The following GRIK4 variants were observed in gnomAD, a reference collection of about 807,000 sequenced individuals.
The protein encoded by GRIK4 is glutamate ionotropic receptor kainate type subunit 4.
GRIK4 carries 40 observed loss-of-function variants against 104.9 expected under a neutral mutation model. The observed-to-expected ratio is 0.38, with a 90% CI of 0.30 to 0.50. GRIK4 has a LOEUF of 0.50. Ranked by LOEUF, GRIK4 falls within the 20% of genes least tolerant of loss-of-function variation. The pLI is 0.93. For missense variants in GRIK4, 1,047 were observed against 1,308.1 expected, an observed-to-expected ratio of 0.80 and a Z score of 3.08; for synonymous variants, 485 against 524.9, an observed-to-expected ratio of 0.92 and a Z score of 1.04.
At position 120,768,822 on chromosome 11, in the gene GRIK4, A is replaced by G. The variant is rs572533872; in HGVS notation, c.83-33871A>G. Among the ~76,000 whole-genome samples, 5 of 152,302 alleles carry G rather than the reference A, an allele frequency of 3.3e-5. No individual in the cohort carries two copies. The South Asian group carries it at 8.3e-4, about 25-fold the overall frequency. ...TTGTGTGGCTTTTATCTTTCATTCTATTAATGTGATGTGTCATGCTGATTG... is the reference window on the plus strand; with the variant it reads ...TTGTGTGGCTTTTATCTTTCATTCTGTTAATGTGATGTGTCATGCTGATTG... On this transcript the variant is annotated intron_variant, in intron 3 of 20. Coordinates refer to ENST00000527524, the MANE Select transcript of GRIK4 (RefSeq NM_014619.5).
At chr11:120,668,427 A>G (rs1025663978) in intron 3 of GRIK4, among the ~76,000 whole-genome samples, 9 of 152,188 alleles carry the variant, frequency 5.9e-5, no homozygotes, top group African/African-American at 2.2e-4. Context: ...GAAAGAAAAG[A>G]AATGAAAAGA....
At chr11:120,749,314 A>G (rs890638639) in intron 3 of GRIK4, among the ~76,000 whole-genome samples, 3 of 152,154 alleles carry the variant, frequency 2.0e-5, no homozygotes, top group Non-Finnish European at 2.9e-5. Context: ...GTGCCAGGCT[A>G]GAAAGAAGCC....
chr11:120,699,358 G>A (rs1337984332), intron 3 of GRIK4, among the ~76,000 whole-genome samples: 2 of 152,168 alleles, frequency 1.3e-5, no homozygotes, highest in African/African-American at 2.4e-5. Flanking sequence ...AACCTGCACA[G>A]CCCCATGACA....
At chr11:120,643,201 AT>A (rs1949492514) in intron 1 of GRIK4, among the ~76,000 whole-genome samples, 1 of 152,262 alleles carries the variant, frequency 6.6e-6, no homozygotes, top group Non-Finnish European at 1.5e-5. Flanking sequence ...AGTAAATTAT[AT>A]AACAAGCTAC....
At chr11:120,677,684 T>G (rs985513011) in intron 3 of GRIK4, among the ~76,000 whole-genome samples, 4 of 152,212 alleles carry the variant, frequency 2.6e-5, no homozygotes, top group Non-Finnish European at 5.9e-5. Flanking sequence ...AGACATCAGC[T>G]CTGGAGTTAG....
intron 1 of GRIK4, among the ~76,000 whole-genome samples, chr11:120,599,022 C>A (rs564458422): frequency 6.6e-6 from 1 of 152,156 alleles, no homozygotes; most frequent in Non-Finnish European, 1.5e-5. Context: ...GGTCATTCTG[C>A]GTTACTGCAA....
chr11:120,554,128 C>A (rs553838302), intron 1 of GRIK4, among the ~76,000 whole-genome samples: 4 of 152,106 alleles, frequency 2.6e-5, no homozygotes, highest in African/African-American at 9.6e-5. Context: ...GCTGTAGGCA[C>A]CCATAAGGCT....
At chr11:120,527,598 G>T (rs966889368) in intron 1 of GRIK4, among the ~76,000 whole-genome samples, 2 of 152,260 alleles carry the variant, frequency 1.3e-5, no homozygotes, top group East Asian at 3.8e-4. Flanking sequence ...GCGGGCTGGG[G>T]GCTGGGAGGA....
At chr11:120,657,564 T>C (rs1290987747) in intron 2 of GRIK4, among the ~76,000 whole-genome samples, 1 of 152,252 alleles carries the variant, frequency 6.6e-6, no homozygotes, top group East Asian at 1.9e-4. Flanking sequence ...GACACAGTCC[T>C]TGCCCTTAAG....
At chr11:120,669,806 C>T (rs1949984789) in intron 3 of GRIK4, among the ~76,000 whole-genome samples, 1 of 152,246 alleles carries the variant, frequency 6.6e-6, no homozygotes, top group African/African-American at 2.4e-5. Context: ...CTTCTCTCTG[C>T]ATGCCCACTC....
At chr11:120,604,137 A>C (rs1212900905) in intron 1 of GRIK4, among the ~76,000 whole-genome samples, 1 of 135,972 alleles carries the variant, frequency 7.4e-6, no homozygotes, top group Non-Finnish European at 1.5e-5. Context: ...GCGCCACTGC[A>C]CTCCAGCCTG....
At chr11:120,938,276 C>G (rs188076189) in intron 13 of GRIK4, among the ~76,000 whole-genome samples, 5 of 152,340 alleles carry the variant, frequency 3.3e-5, no homozygotes, top group Admixed American at 6.5e-5. Flanking sequence ...ATCCTCTAAT[C>G]AAACCTAACT....
At chr11:120,618,036 A>G (rs1949138287) in intron 1 of GRIK4, among the ~76,000 whole-genome samples, 1 of 152,186 alleles carries the variant, frequency 6.6e-6, no homozygotes, top group Non-Finnish European at 1.5e-5. Flanking sequence ...AGGCAGGAAG[A>G]TTTGGAATTT....
intron 3 of GRIK4, among the ~76,000 whole-genome samples, chr11:120,760,215 A>G (rs1951722875): frequency 6.6e-6 from 1 of 151,754 alleles, no homozygotes; most frequent in Non-Finnish European, 1.5e-5. Context: ...TTATAAAAAT[A>G]TTCTACATAT....
chr11:120,916,798 A>C (rs1228087369), intron 13 of GRIK4, among the ~76,000 whole-genome samples: 3 of 152,224 alleles, frequency 2.0e-5, no homozygotes, highest in Non-Finnish European at 2.9e-5. Context: ...TCTCATTCCC[A>C]AGATACCTCA....
chr11:120,841,732 C>T (rs879482203), intron 8 of GRIK4, among the ~76,000 whole-genome samples: 1 of 152,146 alleles, frequency 6.6e-6, no homozygotes, highest in African/African-American at 2.4e-5. Flanking sequence ...TTCCTGTCAG[C>T]AATGTACAAA....
intron 1 of GRIK4, among the ~76,000 whole-genome samples, chr11:120,601,269 T>C (rs1293259221): frequency 6.6e-6 from 1 of 151,792 alleles, no homozygotes; most frequent in Non-Finnish European, 1.5e-5. Flanking sequence ...AGCCAGGCTT[T>C]GTGGTGCACG....
intron 9 of GRIK4, among the ~76,000 whole-genome samples, chr11:120,865,053 C>A (rs1954370549): frequency 6.6e-6 from 1 of 152,262 alleles, no homozygotes. Flanking sequence ...AATTCACAAT[C>A]ATTCACTAAG....
chr11:120,703,417 T>C (rs1950583528), intron 3 of GRIK4, among the ~76,000 whole-genome samples: 2 of 152,016 alleles, frequency 1.3e-5, no homozygotes, highest in Admixed American at 1.3e-4. Flanking sequence ...GAGAAGGAGA[T>C]AATGTATGTG....
Sources: allele counts gnomAD v4.1 joint callset (sites outside exome capture counted in the v4.1 genomes callset), GRCh38; gene constraint gnomAD v4.1.1; transcripts MANE v1.5; gene names NCBI Gene and HGNC (gene_info 2026-07-23, HGNC 2026-07-21).